Variants in ABCA12 observed in about 807,000 individuals in gnomAD.
ABCA12 encodes the protein glucosylceramide transporter ABCA12.
In ABCA12, 156 loss-of-function variants were observed where a neutral mutation model predicts 293.5. That is an observed-to-expected ratio of 0.53 (90% CI 0.47 to 0.61). The LOEUF (loss-of-function observed/expected upper bound fraction) is 0.61. Among genes scored for constraint, ABCA12 ranks in the 20% least tolerant of loss-of-function variants. ABCA12 has a pLI of 0.00. For missense variants in ABCA12, 2,797 were observed against 3,090.2 expected (o/e 0.91, Z 2.25); for synonymous variants, 1,063 against 1,108.0 (o/e 0.96, Z 0.81).
intron 52 of ABCA12, among the ~76,000 whole-genome samples, 181 bp downstream of exon 52, chr2:214,933,896 AT>A (rs1283839193): frequency 6.6e-6 from 1 of 152,104 alleles, no homozygotes; most frequent in African/African-American, 2.4e-5. Flanking sequence ...TTTCACATCT[AT>A]TTTTTTAATA....
At chr2:215,058,852 T>C (rs926579382) in intron 3 of ABCA12, among the ~76,000 whole-genome samples, 1 of 152,034 alleles carries the variant, frequency 6.6e-6, no homozygotes, top group African/African-American at 2.4e-5. Flanking sequence ...AAAAAAAAAC[T>C]AAACACTGAA....
intron 45 of ABCA12, among the ~76,000 whole-genome samples, 185 bp downstream of exon 45, chr2:214,950,694 G>A (rs1017045626): frequency 9.9e-5 from 15 of 151,852 alleles, no homozygotes; most frequent in African/African-American, 3.1e-4. Flanking sequence ...CAGTAGAGAC[G>A]TGGTTTCACC....
chr2:214,978,776 A>C (rs1183596175), intron 32 of ABCA12, 28 bp downstream of exon 32: 1 of 1,603,796 alleles, frequency 6.2e-7, no homozygotes, highest in Non-Finnish European at 8.5e-7. Context: ...TATCAGCTTG[A>C]AGAAAAAAAA....
intron 2 of ABCA12, among the ~76,000 whole-genome samples, chr2:215,099,407 G>A (rs545922389): frequency 3.9e-5 from 6 of 152,124 alleles, no homozygotes; most frequent in Non-Finnish European, 7.3e-5. Flanking sequence ...TTTAATTTCC[G>A]ACCCCAGCTG....
rs944415865 is a variant in ABCA12, at chr2:215,044,692, C to G, written c.872+1145G>C. Reference sequence around the variant, plus strand: ...GCTTTGCCATGTACTAACTGTAGAACCTTGGGGAAGCCATTTGACCTCCAT... The same window carrying G: ...GCTTTGCCATGTACTAACTGTAGAAGCTTGGGGAAGCCATTTGACCTCCAT... On this transcript the variant is annotated intron_variant, in intron 7 of 52. Coordinates refer to ENST00000272895, the MANE Select transcript of ABCA12 (RefSeq NM_173076.3). 8.5e-5 allele frequency among the ~76,000 whole-genome samples: 13 copies of G among 152,216 alleles called. No homozygotes were observed. The South Asian group carries it at 1.2e-3, about 15-fold the overall frequency.
rs371512001 is a variant in ABCA12, at chr2:215,097,213, C to T, written c.163+14384G>A. On this transcript the variant is annotated intron_variant, in intron 2 of 52. Coordinates refer to ENST00000272895, the MANE Select transcript of ABCA12 (RefSeq NM_173076.3). Reference sequence around the variant, plus strand: ...ATTCTCTTCCTTTCCTTACAAAACTCCCCACTCTTCTCCATGCAAATCCAA... The same window carrying T: ...ATTCTCTTCCTTTCCTTACAAAACTTCCCACTCTTCTCCATGCAAATCCAA... 4.6e-5 allele frequency among the ~76,000 whole-genome samples: 7 copies of T among 152,240 alleles called. No homozygotes were observed. The East Asian group carries it at 1.4e-3, about 29-fold the overall frequency.
intron 2 of ABCA12, among the ~76,000 whole-genome samples, chr2:215,084,636 A>G (rs983243702): frequency 6.6e-6 from 1 of 152,204 alleles, no homozygotes. Flanking sequence ...CGTAACTATT[A>G]TCATCCCAAC....
intron 39 of ABCA12, among the ~76,000 whole-genome samples, chr2:214,960,778 A>C (rs555702436): frequency 6.6e-6 from 1 of 152,234 alleles, no homozygotes; most frequent in Non-Finnish European, 1.5e-5. Context: ...TGGAAGGGAC[A>C]ATGTGTTAGT....
intron 24 of ABCA12, among the ~76,000 whole-genome samples, chr2:214,989,875 T>C (rs1011645242): frequency 1.3e-5 from 2 of 152,158 alleles, no homozygotes; most frequent in African/African-American, 4.8e-5. Flanking sequence ...AAATATACAT[T>C]TGAACTCATT....
At chr2:215,110,808 CTAATT>C (rs1173205237) in intron 2 of ABCA12, among the ~76,000 whole-genome samples, 4 of 152,170 alleles carry the variant, frequency 2.6e-5, no homozygotes, top group Non-Finnish European at 5.9e-5. Context: ...GAAATACAAT[CTAATT>C]TATAGAAATT....
At chr2:215,002,905 C>T (rs1198810171) in intron 20 of ABCA12, among the ~76,000 whole-genome samples, 1 of 152,158 alleles carries the variant, frequency 6.6e-6, no homozygotes, top group Non-Finnish European at 1.5e-5. Context: ...AATTCTTAGC[C>T]TCACTTCCTA....
At chr2:215,026,502 G>T (rs1467677629) in intron 10 of ABCA12, among the ~76,000 whole-genome samples, 1 of 152,006 alleles carries the variant, frequency 6.6e-6, no homozygotes, top group Non-Finnish European at 1.5e-5. Flanking sequence ...TGTCATGAAG[G>T]GTCATATGAA....
At chr2:215,132,520 G>A (rs1703082586) in intron 1 of ABCA12, among the ~76,000 whole-genome samples, 1 of 151,394 alleles carries the variant, frequency 6.6e-6, no homozygotes, top group African/African-American at 2.4e-5. Context: ...AACTGTTGTT[G>A]GTTTAACGTC....
intron 48 of ABCA12, among the ~76,000 whole-genome samples, chr2:214,947,010 T>C (rs1409789337): frequency 6.6e-6 from 1 of 152,112 alleles, no homozygotes; most frequent in East Asian, 1.9e-4. Context: ...GTGTCTGTCC[T>C]CCATAGTAGA....
chr2:214,952,890 T>C lies in ABCA12; in HGVS notation c.6647+964A>G, dbSNP rs78463598. On this transcript the variant is annotated intron_variant, in intron 44 of 52. Coordinates refer to ENST00000272895, the MANE Select transcript of ABCA12 (RefSeq NM_173076.3). ...TGCTCTTAATATATTTCTCTATCTC[T>C]GCTCTTTTATTTCCTCTCATTGTTT... Among the ~76,000 whole-genome samples the C allele has an allele frequency of 5.6e-3, 851 of 152,352 alleles. 9 individuals are homozygous for C. Among genetic ancestry groups the C allele is most frequent in the African/African-American group, 0.019 (802 of 41,584 alleles).
At chr2:214,968,625 T>C in intron 38 of ABCA12, 95 bp downstream of exon 38, 2 of 1,185,344 alleles carry the variant, frequency 1.7e-6, no homozygotes, top group Non-Finnish European at 1.3e-6. Flanking sequence ...AAATCGATTG[T>C]ACCCATATTT....
At chr2:214,953,799 AG>A in intron 44 of ABCA12, 54 bp downstream of exon 44, 1 of 1,589,906 alleles carries the variant, frequency 6.3e-7, no homozygotes, top group Non-Finnish European at 8.6e-7. Context: ...CTTTCTCAAT[AG>A]GTTGAATTGA....
In ABCA12 at chr2:214,948,881, CACATTTAA is replaced by C. The variant is rs1698663643; in HGVS notation, c.6962+151_6963-145del. On this transcript the variant is annotated intron_variant, in intron 46 of 52. Coordinates refer to ENST00000272895, the MANE Select transcript of ABCA12 (RefSeq NM_173076.3). Reference sequence around the variant, plus strand: ...GATAAAATAATCCCACTATCAAATTCACATTTAAACATTTAAACATTTCCACCCACCTT... The same window carrying C: ...GATAAAATAATCCCACTATCAAATTCACATTTAAACATTTCCACCCACCTT... 2.7e-5 allele frequency: 33 copies of C among 1,226,984 alleles called. 1 individual carries two copies. The highest frequency in any genetic ancestry group is 3.9e-5 in the Admixed American group (2 of 51,504). 76.0% of individuals were successfully genotyped at this position (1,226,984 alleles called of 1,614,324 possible). A position where few individuals can be genotyped will look rare whatever the true frequency, so the allele number is the denominator to read the frequency against.
chr2:214,981,658 A>AAAAGAT (rs1285602249), intron 30 of ABCA12, among the ~76,000 whole-genome samples: 1 of 152,144 alleles, frequency 6.6e-6, no homozygotes, highest in African/African-American at 2.4e-5. Flanking sequence ...TTAGACTTTT[A>AAAAGAT]AAAGATATCA....
Sources: gnomAD v4.1 joint callset for allele counts (sites outside exome capture counted in the v4.1 genomes callset) on GRCh38, gnomAD v4.1.1 for gene constraint, MANE v1.5 for transcripts, NCBI Gene and HGNC (gene_info 2026-07-23, HGNC 2026-07-21) for gene names.